Variants in ADAMTS9 observed in about 807,000 individuals in gnomAD.
ADAMTS9 encodes A disintegrin and metalloproteinase with thrombospondin motifs 9.
Under a neutral mutation model 257.1 loss-of-function variants are expected in ADAMTS9, and 107 were observed. That is an observed-to-expected ratio of 0.42 (90% CI 0.36 to 0.49). The LOEUF is 0.49. ADAMTS9 is among the 20% of genes least tolerant of loss of function. The pLI is 0.03. For synonymous variants in ADAMTS9, 982 were observed against 880.9 expected (o/e 1.11, Z -2.03); for missense variants, 2,353 against 2,469.1 (o/e 0.95, Z 1.00).
intron 38 of ADAMTS9, among the ~76,000 whole-genome samples, chr3:64,532,847 A>G (rs1303053642): frequency 6.6e-6 from 1 of 152,150 alleles, no homozygotes; most frequent in Admixed American, 6.5e-5. Context: ...TAACTGAAAG[A>G]TATCTGAGCC....
intron 18 of ADAMTS9, 104 bp downstream of exon 18, chr3:64,622,094 G>A (rs1700122294): frequency 8.1e-7 from 1 of 1,236,534 alleles, no homozygotes. Context: ...AACGTATGCA[G>A]ATAGAAGGGT....
At position 64,637,537 on chromosome 3, in the gene ADAMTS9, A is replaced by G. The variant is rs77961275; in HGVS notation, c.1857-3658T>C. Among the ~76,000 whole-genome samples, 519 of 152,354 alleles carry G rather than the reference A, an allele frequency of 3.4e-3. 14 individuals are homozygous for G. In the East Asian group the frequency reaches 0.045, roughly 13 times the overall value. ...ATGATGCATGACCAAAGCTATAAAG[A>G]AATTTTTGCAGAGGTCATCACAGGT... On this transcript the variant is annotated intron_variant, in intron 12 of 39. Transcript: ENST00000498707.
chr3:64,663,237 A>G (rs1418411506), intron 3 of ADAMTS9, among the ~76,000 whole-genome samples: 1 of 152,148 alleles, frequency 6.6e-6, no homozygotes, highest in East Asian at 1.9e-4. Context: ...TGTACAGTTT[A>G]AATGGGTGAA....
At chr3:64,638,442 C>T (rs143799146) in intron 12 of ADAMTS9, among the ~76,000 whole-genome samples, 29 of 152,202 alleles carry the variant, frequency 1.9e-4, no homozygotes, top group African/African-American at 7.0e-4. Context: ...GTCTTATAGG[C>T]TGGGTGACCG....
At chr3:64,590,656 G>A (rs1431036438) in intron 28 of ADAMTS9, among the ~76,000 whole-genome samples, 1 of 152,096 alleles carries the variant, frequency 6.6e-6, no homozygotes, top group East Asian at 1.9e-4. Flanking sequence ...TACAGAAGCT[G>A]CAAACTTTAA....
At chr3:64,544,251 T>C (rs1433599388) in intron 32 of ADAMTS9, among the ~76,000 whole-genome samples, 2 of 152,120 alleles carry the variant, frequency 1.3e-5, no homozygotes, top group African/African-American at 4.8e-5. Flanking sequence ...CTTCACAGAA[T>C]TGGGAAAAAC....
chr3:64,673,867 T>G (rs1405835844), intron 3 of ADAMTS9, among the ~76,000 whole-genome samples: 1 of 152,068 alleles, frequency 6.6e-6, no homozygotes, highest in Non-Finnish European at 1.5e-5. Context: ...TAGTCATTAT[T>G]AAGATTCATG....
chr3:64,562,775 G>GA (rs1213986792), intron 29 of ADAMTS9, among the ~76,000 whole-genome samples: 1 of 152,100 alleles, frequency 6.6e-6, no homozygotes, highest in African/African-American at 2.4e-5. Flanking sequence ...TTTCAAACTT[G>GA]AAAAAATTAT....
chr3:64,544,698 G>A (rs2083173519), intron 32 of ADAMTS9, among the ~76,000 whole-genome samples: 1 of 152,132 alleles, frequency 6.6e-6, no homozygotes, highest in South Asian at 2.1e-4. Flanking sequence ...CAGGACATAG[G>A]CATGGGCAAG....
chr3:64,546,312 C>T (rs146490836), intron 32 of ADAMTS9, among the ~76,000 whole-genome samples: 139 of 151,982 alleles, frequency 9.1e-4, no homozygotes, highest in African/African-American at 3.2e-3. Flanking sequence ...GCATCTGAAA[C>T]TCAAGATGCT....
At chr3:64,593,960 G>GTGTGT (rs1553707054) in intron 28 of ADAMTS9, among the ~76,000 whole-genome samples, 8 of 69,322 alleles carry the variant, frequency 1.2e-4, no homozygotes, top group African/African-American at 4.0e-4. Context: ...GTGTGTGTAT[G>GTGTGT]ATGTGTGTGT....
At chr3:64,685,930 T>C (rs1179449949) in intron 2 of ADAMTS9, among the ~76,000 whole-genome samples, 1 of 152,102 alleles carries the variant, frequency 6.6e-6, no homozygotes, top group Non-Finnish European at 1.5e-5. Context: ...ATTCAAAGCG[T>C]CCGGGGTAGG....
At position 64,603,770 on chromosome 3, in the gene ADAMTS9, A is replaced by G. The variant is rs904834292; in HGVS notation, c.3747+152T>C. ...TCCTTGCACACTTGGCCAACTACACATAAGTGGAGCAGCACAATTTAAATC... is the reference window on the plus strand; with the variant it reads ...TCCTTGCACACTTGGCCAACTACACGTAAGTGGAGCAGCACAATTTAAATC... On this transcript the variant is annotated intron_variant, in intron 25 of 39. Coordinates refer to ENST00000498707, the MANE Select transcript of ADAMTS9 (RefSeq NM_182920.2). 4.3e-6 allele frequency: 4 copies of G among 923,820 alleles called. 1 individual carries two copies. The South Asian group carries it at 6.7e-5, about 15-fold the overall frequency. 57.2% of individuals were successfully genotyped at this position (923,820 alleles called of 1,614,324 possible).
At position 64,594,978 on chromosome 3, in the gene ADAMTS9, G is replaced by A. The variant is rs561263370; in HGVS notation, c.4180-544C>T. Among the ~76,000 whole-genome samples, 60 of 152,136 alleles carry A rather than the reference G, an allele frequency of 3.9e-4. No individual in the cohort carries two copies. The South Asian group carries it at 0.012, about 30-fold the overall frequency. ...ATTTTTTTGTATTTTTAGTAGAGATGGGGTTTCACCGTGTTAGCCAGGATG... is the reference window on the plus strand; with the variant it reads ...ATTTTTTTGTATTTTTAGTAGAGATAGGGTTTCACCGTGTTAGCCAGGATG... On this transcript the variant is annotated intron_variant, in intron 27 of 39. Transcript: ENST00000498707.
intron 16 of ADAMTS9, among the ~76,000 whole-genome samples, chr3:64,629,838 G>A (rs1700324374): frequency 6.6e-6 from 1 of 152,194 alleles, no homozygotes; most frequent in African/African-American, 2.4e-5. Flanking sequence ...ATGGAGTCAT[G>A]TATAAATATC....
At position 64,547,034 on chromosome 3, in the gene ADAMTS9, C is replaced by A. The variant is rs531743061; in HGVS notation, c.4870-82G>T. The A allele has an allele frequency of 6.1e-5, 76 of 1,240,926 alleles. No homozygotes were observed. The Admixed American group carries it at 1.5e-3, about 24-fold the overall frequency. 76.9% of individuals were successfully genotyped at this position (1,240,926 alleles called of 1,614,324 possible). A position where few individuals can be genotyped will look rare whatever the true frequency, so the allele number is the denominator to read the frequency against. On this transcript the variant is annotated intron_variant, in intron 31 of 39. Transcript: ENST00000498707. ...ATAGGCCCCTGACCTCCACACCAAGCGCTGACCGTGTGACTATGCTGCAGA... is the reference window on the plus strand; with the variant it reads ...ATAGGCCCCTGACCTCCACACCAAGAGCTGACCGTGTGACTATGCTGCAGA...
At chr3:64,674,519 G>C (rs1380924412) in intron 3 of ADAMTS9, among the ~76,000 whole-genome samples, 1 of 152,202 alleles carries the variant, frequency 6.6e-6, no homozygotes, top group Non-Finnish European at 1.5e-5. Context: ...TGTTGCAGGA[G>C]TAAATGAAAT....
chr3:64,537,035 C>A (rs900443938), intron 37 of ADAMTS9, among the ~76,000 whole-genome samples: 4 of 152,212 alleles, frequency 2.6e-5, no homozygotes, highest in Admixed American at 2.6e-4. Flanking sequence ...TTTCTACAAA[C>A]CTTTTCCTGG....
At chr3:64,584,508 T>G (rs1032016744) in intron 28 of ADAMTS9, among the ~76,000 whole-genome samples, 1 of 152,156 alleles carries the variant, frequency 6.6e-6, no homozygotes, top group Non-Finnish European at 1.5e-5. Flanking sequence ...AATCTCAGAT[T>G]AAAAACAGCT....
Sources: allele counts gnomAD v4.1 joint callset (sites outside exome capture counted in the v4.1 genomes callset), GRCh38; gene constraint gnomAD v4.1.1; transcripts MANE v1.5; gene names NCBI Gene and HGNC (gene_info 2026-07-23, HGNC 2026-07-21).